The following KATNIP variants were observed in gnomAD, a reference collection of about 807,000 sequenced individuals.
The protein encoded by KATNIP is katanin interacting protein.
KATNIP carries 126 observed loss-of-function variants against 174.0 expected under a neutral mutation model. That is an observed-to-expected ratio of 0.72 (90% CI 0.63 to 0.84). KATNIP has a LOEUF of 0.84. Ranked by LOEUF, KATNIP falls within the 40% of genes least tolerant of loss-of-function variation. KATNIP has a pLI of 0.00. For missense variants in KATNIP, 1,958 were observed against 2,109.7 expected, an observed-to-expected ratio of 0.93 and a Z score of 1.41; for synonymous variants, 810 against 835.7, an observed-to-expected ratio of 0.97 and a Z score of 0.53.
Position 27,573,948 on chromosome 16 carries a change from A to T in KATNIP, c.55A>T (p.Lys19Ter), listed in dbSNP as rs750805003. The change falls in exon 2 of 28, where the codon AAA (lysine) becomes TAA (stop). Residue 19 changes from lysine (K) to a stop codon, truncating the protein, a stop_gained. Transcript: ENST00000261588. LOFTEE classifies it high-confidence loss of function. ...AERSWSCSRE[K>*]KEGYAKDMVT... ...GAGAAGCTGGTCCTGCTCACGAGAG[A>T]AAAAGGAGGTAAATGTGTCCCTGGC... 4 of 1,613,952 alleles carry T rather than the reference A, an allele frequency of 2.5e-6. No homozygotes were observed. Among genetic ancestry groups the T allele is most frequent in the Non-Finnish European group, 3.4e-6 (4 of 1,179,892 alleles).
chr16:27,754,466 T>C (rs2081640865), intron 18 of KATNIP: 1 of 565,600 alleles, frequency 1.8e-6, no homozygotes, highest in Non-Finnish European at 3.2e-6. Context: ...GGGGCATCTC[T>C]TAGCATTTTG....
At chr16:27,680,434 G>C (rs2078289579) in intron 7 of KATNIP, among the ~76,000 whole-genome samples, 1 of 152,190 alleles carries the variant, frequency 6.6e-6, no homozygotes, top group Non-Finnish European at 1.5e-5. Flanking sequence ...GAAGAACCAG[G>C]CCACAGAACA....
At chr16:27,691,299 GAAGA>G (rs562609300) in intron 8 of KATNIP, among the ~76,000 whole-genome samples, 1 of 152,228 alleles carries the variant, frequency 6.6e-6, no homozygotes, top group Non-Finnish European at 1.5e-5. Flanking sequence ...CTGTGAGAGA[GAAGA>G]AAGCCAAACA....
chr16:27,696,820 C>A (rs2078928621), intron 8 of KATNIP, among the ~76,000 whole-genome samples: 1 of 151,890 alleles, frequency 6.6e-6, no homozygotes, highest in African/African-American at 2.4e-5. Context: ...CCTCTGCCTC[C>A]TGGGTTCAAA....
chr16:27,611,379 G>A (rs1184683127), intron 2 of KATNIP, among the ~76,000 whole-genome samples: 1 of 152,130 alleles, frequency 6.6e-6, no homozygotes, highest in Non-Finnish European at 1.5e-5. Flanking sequence ...CATCCATTTT[G>A]TAGGCAAGGA....
chr16:27,635,731 G>A (rs959048137), intron 5 of KATNIP, among the ~76,000 whole-genome samples: 11 of 152,258 alleles, frequency 7.2e-5, no homozygotes, highest in African/African-American at 2.2e-4. Context: ...CGGGCCTGGC[G>A]GGGTCCAGAA....
intron 3 of KATNIP, among the ~76,000 whole-genome samples, chr16:27,620,125 T>C (rs1440559839): frequency 6.6e-6 from 1 of 152,164 alleles, no homozygotes; most frequent in Non-Finnish European, 1.5e-5. Flanking sequence ...AAATGAGAAT[T>C]TCCAGAGACA....
intron 15 of KATNIP, among the ~76,000 whole-genome samples, chr16:27,744,440 A>T (rs1263456552): frequency 6.6e-6 from 1 of 152,148 alleles, no homozygotes; most frequent in African/African-American, 2.4e-5. Context: ...AGGCAGGAGG[A>T]TCACTTGAAC....
intron 14 of KATNIP, among the ~76,000 whole-genome samples, chr16:27,734,744 G>T (rs986115122): frequency 1.3e-5 from 2 of 152,112 alleles, no homozygotes; most frequent in Non-Finnish European, 2.9e-5. Flanking sequence ...GAGCTCCACC[G>T]GTACAGGTGC....
At chr16:27,580,963 C>G (rs937984965) in intron 2 of KATNIP, among the ~76,000 whole-genome samples, 3 of 152,088 alleles carry the variant, frequency 2.0e-5, no homozygotes, top group South Asian at 4.1e-4. Flanking sequence ...GTGGCTGATG[C>G]TTGTTATCCC....
chr16:27,702,476 A>C (rs538250647), intron 11 of KATNIP, among the ~76,000 whole-genome samples: 1 of 152,354 alleles, frequency 6.6e-6, no homozygotes, highest in South Asian at 2.1e-4. Flanking sequence ...CGTCAGGCTG[A>C]GAGCCTGTAG....
intron 14 of KATNIP, among the ~76,000 whole-genome samples, chr16:27,739,493 C>G (rs936207369): frequency 5.9e-5 from 9 of 152,282 alleles, no homozygotes; most frequent in African/African-American, 1.7e-4. Flanking sequence ...CGACTTGCAC[C>G]CGAGTCCTTG....
chr16:27,696,881 A>G (rs558431306), intron 8 of KATNIP, among the ~76,000 whole-genome samples: 30 of 151,990 alleles, frequency 2.0e-4, no homozygotes, highest in African/African-American at 7.0e-4. Flanking sequence ...GGTGCCTGCC[A>G]CTACACCCAG....
intron 5 of KATNIP, among the ~76,000 whole-genome samples, chr16:27,642,251 A>C (rs1181942866): frequency 6.6e-6 from 1 of 152,186 alleles, no homozygotes; most frequent in Non-Finnish European, 1.5e-5. Context: ...GCTGGAAACT[A>C]TATGTCCTTT....
intron 5 of KATNIP, among the ~76,000 whole-genome samples, chr16:27,634,840 C>G (rs1330569937): frequency 6.6e-6 from 1 of 152,076 alleles, no homozygotes. Context: ...TACACATAGA[C>G]CCTGGGTTTC....
Position 27,721,566 on chromosome 16 carries a change from A to G in KATNIP, c.1614A>G (p.Lys538=), listed in dbSNP as rs2080244317. The change falls in exon 14 of 28, where the codon AAA becomes AAG. Residue 538 remains lysine (K), a synonymous_variant. Coordinates refer to ENST00000261588, the MANE Select transcript of KATNIP (RefSeq NM_015202.5). ...TCTTGCTGGCCTTCTAGGGCAAGAA[A>G]GACTCCTCCCCGTGGACCTGCCCCT... ...RLVNRNLAGK[K]DSSPWTCPFH... 1 of 1,614,172 alleles carries G rather than the reference A, an allele frequency of 6.2e-7. No homozygotes were observed. Among genetic ancestry groups the G allele is most frequent in the East Asian group, 2.2e-5 (1 of 44,876 alleles).
At chr16:27,723,819 C>CTCCA (rs141881470) in intron 14 of KATNIP, among the ~76,000 whole-genome samples, 2,650 of 152,218 alleles carry the variant, frequency 0.017, 60 homozygotes, top group East Asian at 0.092. Context: ...CCCTCCCTCC[C>CTCCA]TCCTTCCCAT....
At chr16:27,624,788 C>G (rs2076286805) in intron 3 of KATNIP, among the ~76,000 whole-genome samples, 1 of 152,104 alleles carries the variant, frequency 6.6e-6, no homozygotes, top group African/African-American at 2.4e-5. Flanking sequence ...CCACTACACT[C>G]CAGCCTGGGC....
At chr16:27,645,320 G>C (rs233466) in intron 5 of KATNIP, among the ~76,000 whole-genome samples, 133,151 of 152,236 alleles carry the variant, frequency 0.87, 58,368 homozygotes, top group East Asian at 1. Context: ...TTCATGAGTG[G>C]TGTCTTAACA....
Sources: allele counts gnomAD v4.1 joint callset (sites outside exome capture counted in the v4.1 genomes callset), GRCh38; gene constraint gnomAD v4.1.1; transcripts MANE v1.5; gene names NCBI Gene and HGNC (gene_info 2026-07-23, HGNC 2026-07-21).